TOMT: variants seen among roughly 807,000 people sequenced by gnomAD.
TOMT encodes transmembrane O-methyltransferase.
TOMT carries 23 observed loss-of-function variants against 21.7 expected under a neutral mutation model. That is an observed-to-expected ratio of 1.06 (90% CI 0.76 to 1.50). TOMT has a LOEUF of 1.50. Among genes scored for constraint, TOMT ranks in the 40% most tolerant of loss-of-function variants. TOMT has a pLI of 0.00. For missense variants in TOMT, 331 were observed against 348.7 expected (o/e 0.95, Z 0.41); for synonymous variants, 132 against 150.8 (o/e 0.88, Z 0.91).
chr11:72,108,023 G>T, exon 2 of TOMT: 2 of 1,551,618 alleles, frequency 1.3e-6, no homozygotes, highest in Non-Finnish European at 1.7e-6. Context: ...CCCGAGCCCT[G>T]CCCCCTGGGG....
intron 2 of TOMT, 131 bp downstream of exon 2, chr11:72,108,250 G>C (rs929125574): frequency 1.3e-6 from 1 of 776,098 alleles, no homozygotes. Context: ...TGGATGGTGT[G>C]TGAGCTCCTG....
chr11:72,107,802 G>C, intron 1 of TOMT, 121 bp from the exon 2 acceptor site: 2 of 1,073,864 alleles, frequency 1.9e-6, no homozygotes, highest in Non-Finnish European at 2.7e-6. Flanking sequence ...TGGTACAAGA[G>C]ACAGATGAGA....
intron 1 of TOMT, chr11:72,107,573 C>T: frequency 1.4e-6 from 1 of 700,718 alleles, no homozygotes. Flanking sequence ...GGCTGTGATA[C>T]AGGCCACAGG....
At chr11:72,107,948 G>A (rs1354046900) in exon 2 of TOMT, 3 of 1,551,708 alleles carry the variant, frequency 1.9e-6, no homozygotes, top group Admixed American at 3.9e-5. Flanking sequence ...GGCTGGTGGA[G>A]GAGAAGGCCC....
chr11:72,107,736 G>T, intron 1 of TOMT, 187 bp from the exon 2 acceptor site: 1 of 634,998 alleles, frequency 1.6e-6, no homozygotes, highest in East Asian at 2.7e-5. Flanking sequence ...AAGATTCCAG[G>T]GCTGGTGTGA....
chr11:72,108,664 G>T, exon 3 of TOMT: 1 of 1,527,544 alleles, frequency 6.5e-7, no homozygotes. Context: ...CCCAGTATCA[G>T]CTGAGTCGGG....
chr11:72,107,571 T>C (rs1945805900), intron 1 of TOMT: 3 of 701,796 alleles, frequency 4.3e-6, no homozygotes, highest in Admixed American at 2.0e-5. Context: ...ATGGCTGTGA[T>C]ACAGGCCACA....
chr11:72,108,005 G>C, exon 2 of TOMT: 2 of 1,551,700 alleles, frequency 1.3e-6, no homozygotes, highest in Non-Finnish European at 8.7e-7. Context: ...ACTCTACCCT[G>C]CTTATTGCCC....
At chr11:72,107,123 C>T (rs1368478740) in intron 1 of TOMT, 4 of 331,602 alleles carry the variant, frequency 1.2e-5, no homozygotes, top group African/African-American at 2.3e-5. Flanking sequence ...AAAAATTAGC[C>T]GGGTGTGGTG....
chr11:72,107,310 T>C (rs1306555798), intron 1 of TOMT: 1 of 605,014 alleles, frequency 1.7e-6, no homozygotes, highest in African/African-American at 1.9e-5. Flanking sequence ...AGATCAGAAA[T>C]ACATTTGATG....
rs930719591 is a variant in TOMT at position 72,106,223 on chromosome 11, T to C, written c.259+13T>C. 3.4e-6 allele frequency: 5 copies of C among 1,466,456 alleles called. No individual in the cohort carries two copies. In the East Asian group the frequency reaches 1.3e-4, roughly 37 times the overall value. 90.8% of individuals were successfully genotyped at this position (1,466,456 alleles called of 1,614,324 possible). ...GGGCCTGTCAAAGGTCAGTGTTCCC[T>C]AGCCTTCTGCTCCAAGAAGTACCCC... is the stretch of plus-strand genomic sequence containing the variant. On this transcript the variant is annotated intron_variant, in intron 1 of 2. Transcript: ENST00000541899.
intron 2 of TOMT, 65 bp downstream of exon 2, chr11:72,108,184 G>A (rs1479430235): frequency 2.9e-6 from 4 of 1,378,128 alleles, no homozygotes; most frequent in East Asian, 5.1e-5. Flanking sequence ...GACATCCCTT[G>A]TGAAGGACTC....
intron 2 of TOMT, 135 bp downstream of exon 2, chr11:72,108,254 G>A: frequency 1.3e-6 from 1 of 752,060 alleles, no homozygotes. Flanking sequence ...TGGTGTGTGA[G>A]CTCCTGCCCT....
rs748064285 is a variant in TOMT, at chr11:72,105,937, G to A, written c.-15G>A. 1.3e-6 allele frequency: 2 copies of A among 1,537,676 alleles called. No homozygotes were observed. The highest frequency in any genetic ancestry group is 1.4e-5 in the African/African-American group (1 of 72,900). ...CCTCCCTACCTCCCTCCACCCCAGG[G>A]CCCAGGTAGGGACCATGTCCCCTGC... On this transcript the variant is annotated 5_prime_UTR_variant, in exon 1 of 3. Transcript: ENST00000541899.
exon 3 of TOMT, chr11:72,108,964 C>G (rs1199181901): frequency 1.4e-6 from 2 of 1,429,340 alleles, no homozygotes; most frequent in South Asian, 2.8e-5. Flanking sequence ...CCCACCCCCA[C>G]CCCCACCCAA....
chr11:72,106,121 C>A, exon 1 of TOMT: 1 of 1,546,584 alleles, frequency 6.5e-7, no homozygotes, highest in African/African-American at 1.4e-5. Context: ...CTCACCCATG[C>A]CCTGCCCGGT....
At chr11:72,108,645 G>A in exon 3 of TOMT, 1 of 1,505,396 alleles carries the variant, frequency 6.6e-7, no homozygotes, top group Middle Eastern at 1.7e-4. Flanking sequence ...GTGATCCCGT[G>A]CCTACGCACC....
At chr11:72,107,633 A>G in intron 1 of TOMT, 1 of 641,806 alleles carries the variant, frequency 1.6e-6, no homozygotes, top group South Asian at 1.7e-5. Context: ...GATCAGGTCC[A>G]AGGTCCTGAA....
exon 3 of TOMT, chr11:72,108,644 T>C (rs1367987832): frequency 6.6e-7 from 1 of 1,504,062 alleles, no homozygotes; most frequent in South Asian, 1.3e-5. Context: ...CGTGATCCCG[T>C]GCCTACGCAC....
Sources: gnomAD v4.1 joint callset for allele counts on GRCh38, gnomAD v4.1.1 for gene constraint, MANE v1.5 for transcripts, NCBI Gene and HGNC (gene_info 2026-07-23, HGNC 2026-07-21) for gene names.